GMDS: variants seen among roughly 807,000 people sequenced by gnomAD.
The protein encoded by GMDS is GDP-mannose 4,6 dehydratase.
In GMDS, 20 loss-of-function variants were observed where a neutral mutation model predicts 49.9. The ratio of observed to expected loss-of-function variants is 0.40; its 90% CI spans 0.28 to 0.58. GMDS has a LOEUF of 0.58. GMDS is among the 20% of genes least tolerant of loss of function. GMDS has a pLI of 0.42. For missense variants in GMDS, 362 were observed against 481.4 expected, an observed-to-expected ratio of 0.75 and a Z score of 2.32; for synonymous variants, 177 against 178.6, an observed-to-expected ratio of 0.99 and a Z score of 0.07.
Position 2,245,578 on chromosome 6 carries a change from A to AG in GMDS, c.-157dup. 2.4e-6 allele frequency: 1 copy of AG among 410,880 alleles called. No individual in the cohort carries two copies. The highest frequency in any genetic ancestry group is 4.1e-5 in the East Asian group (1 of 24,250). The allele number at this position is 410,880 out of a possible 1,614,324, so 25.5% of individuals were successfully genotyped here. A position where few individuals can be genotyped will look rare whatever the true frequency, so the allele number is the denominator to read the frequency against. On this transcript the variant is annotated 5_prime_UTR_variant, in exon 1 of 11. Coordinates refer to ENST00000380815, the MANE Select transcript of GMDS (RefSeq NM_001500.4). Reference sequence around the variant, plus strand: ...GCGCGACCGGCCGCCACAGTCTGACAGGGGCGCACGGGAGGCCGTGCAGGG... The same window carrying AG: ...GCGCGACCGGCCGCCACAGTCTGACAGGGGGCGCACGGGAGGCCGTGCAGGG...
intron 7 of GMDS, among the ~76,000 whole-genome samples, chr6:1,904,261 T>A (rs1289262768): frequency 6.6e-6 from 1 of 152,182 alleles, no homozygotes; most frequent in Non-Finnish European, 1.5e-5. Flanking sequence ...AACAGTTGGC[T>A]GATTGTGGCA....
chr6:1,835,629 T>C (rs1756888473), intron 7 of GMDS, among the ~76,000 whole-genome samples: 1 of 152,202 alleles, frequency 6.6e-6, no homozygotes, highest in African/African-American at 2.4e-5. Flanking sequence ...CTCTTTTGTA[T>C]TTCTAATTCA....
At chr6:1,851,301 T>C (rs894489510) in intron 7 of GMDS, among the ~76,000 whole-genome samples, 3 of 152,238 alleles carry the variant, frequency 2.0e-5, no homozygotes, top group Non-Finnish European at 4.4e-5. Context: ...AACCTTTTAA[T>C]TATTATTAAT....
At chr6:1,796,011 G>A (rs1036528511) in intron 7 of GMDS, among the ~76,000 whole-genome samples, 4 of 152,178 alleles carry the variant, frequency 2.6e-5, no homozygotes, top group African/African-American at 4.8e-5. Context: ...TGCCTGTATC[G>A]GAAGAGAAAG....
intron 9 of GMDS, among the ~76,000 whole-genome samples, chr6:1,670,370 GT>G (rs371549673): frequency 0.13 from 19,026 of 143,192 alleles, 1,541 homozygotes; most frequent in Non-Finnish European, 0.18. Context: ...GTTTTTTTTG[GT>G]TTTTTTTTTT....
chr6:1,730,804 C>T (rs1003217356), intron 8 of GMDS, among the ~76,000 whole-genome samples: 6 of 152,160 alleles, frequency 3.9e-5, no homozygotes, highest in Admixed American at 2.0e-4. Flanking sequence ...TCAAAACTCA[C>T]AAGTAGCTTT....
chr6:2,101,061 T>TTA (rs888997699), intron 4 of GMDS, among the ~76,000 whole-genome samples: 3 of 151,678 alleles, frequency 2.0e-5, no homozygotes, highest in Non-Finnish European at 4.4e-5. Context: ...ATTTTTTTTT[T>TTA]AAAAAGTGAG....
At chr6:2,179,425 C>T (rs1400803292) in intron 1 of GMDS, among the ~76,000 whole-genome samples, 1 of 152,122 alleles carries the variant, frequency 6.6e-6, no homozygotes, top group African/African-American at 2.4e-5. Context: ...AGAGGAAACA[C>T]CTTTGGGGAA....
chr6:2,207,020 T>C (rs1779837581), intron 1 of GMDS, among the ~76,000 whole-genome samples: 1 of 152,216 alleles, frequency 6.6e-6, no homozygotes, highest in African/African-American at 2.4e-5. Context: ...ACATAAGTTT[T>C]ACTTATAAGG....
intron 4 of GMDS, among the ~76,000 whole-genome samples, chr6:2,040,173 A>G (rs1329607642): frequency 6.6e-6 from 1 of 152,232 alleles, no homozygotes; most frequent in Non-Finnish European, 1.5e-5. Context: ...AGAGCACACC[A>G]GACCACCCTT....
intron 1 of GMDS, among the ~76,000 whole-genome samples, chr6:2,235,844 A>G (rs909595392): frequency 1.3e-5 from 2 of 151,580 alleles, no homozygotes; most frequent in African/African-American, 4.8e-5. Flanking sequence ...AAAAAAAAAA[A>G]GAGGAAAACT....
intron 9 of GMDS, among the ~76,000 whole-genome samples, chr6:1,656,537 G>A (rs1763885857): frequency 6.6e-6 from 1 of 152,138 alleles, no homozygotes; most frequent in South Asian, 2.1e-4. Context: ...GCTGAAGTGG[G>A]CAGATCACGA....
chr6:2,233,084 T>C (rs145837074), intron 1 of GMDS, among the ~76,000 whole-genome samples: 247 of 152,284 alleles, frequency 1.6e-3, no homozygotes, highest in African/African-American at 5.8e-3. Flanking sequence ...GTAAAGAAGG[T>C]ACGACCTCGT....
intron 1 of GMDS, among the ~76,000 whole-genome samples, chr6:2,202,766 G>A (rs893733148): frequency 5.9e-5 from 9 of 152,164 alleles, no homozygotes; most frequent in African/African-American, 1.7e-4. Context: ...GCCTTGAAAT[G>A]CCTCCTGCTG....
intron 4 of GMDS, among the ~76,000 whole-genome samples, chr6:1,997,027 G>A (rs1241623636): frequency 2.0e-5 from 3 of 151,744 alleles, no homozygotes; most frequent in East Asian, 3.9e-4. Context: ...AGGAGGGAAC[G>A]GCCATGGTAT....
intron 4 of GMDS, among the ~76,000 whole-genome samples, chr6:2,010,421 A>G (rs1767490853): frequency 6.6e-6 from 1 of 152,148 alleles, no homozygotes; most frequent in Non-Finnish European, 1.5e-5. Flanking sequence ...TGTTGCAAAC[A>G]GAGTGAAAAA....
At chr6:1,742,724 G>A (rs1407893164) in intron 7 of GMDS, 138 bp from the exon 8 acceptor site, 10 of 574,014 alleles carry the variant, frequency 1.7e-5, no homozygotes, top group Non-Finnish European at 2.8e-5. Flanking sequence ...AAGCACAACA[G>A]CAATGGCTCC....
intron 9 of GMDS, among the ~76,000 whole-genome samples, chr6:1,641,370 A>G (rs1292378064): frequency 6.6e-6 from 1 of 152,264 alleles, no homozygotes; most frequent in Non-Finnish European, 1.5e-5. Flanking sequence ...GGCACTCAGA[A>G]AGTGCCATGG....
At chr6:1,961,457 T>C (rs1763938564) in intron 4 of GMDS, among the ~76,000 whole-genome samples, 1 of 152,224 alleles carries the variant, frequency 6.6e-6, no homozygotes, top group African/African-American at 2.4e-5. Flanking sequence ...GGTACAATAA[T>C]AAATTTGTAA....
Sources: gnomAD v4.1 joint callset for allele counts (sites outside exome capture counted in the v4.1 genomes callset) on GRCh38, gnomAD v4.1.1 for gene constraint, MANE v1.5 for transcripts, NCBI Gene and HGNC (gene_info 2026-07-23, HGNC 2026-07-21) for gene names.